The following FMN1 variants were observed in gnomAD, a reference collection of about 807,000 sequenced individuals.
The protein encoded by FMN1 is formin-1.
A neutral mutation model predicts 132.4 loss-of-function variants in FMN1; 110 were observed. The ratio of observed to expected loss-of-function variants is 0.83; its 90% CI spans 0.71 to 0.97. The LOEUF (loss-of-function observed/expected upper bound fraction) is 0.97, where lower values mean the gene tolerates loss of function less well. Among genes scored for constraint, FMN1 ranks in the 50% least tolerant of loss-of-function variants. FMN1 has a pLI of 0.00. For synonymous variants in FMN1, 722 were observed against 651.7 expected, an observed-to-expected ratio of 1.11 and a Z score of -1.64; for missense variants, 1,792 against 1,705.3, an observed-to-expected ratio of 1.05 and a Z score of -0.90.
At chr15:33,031,751 A>G (rs1450511535) in intron 6 of FMN1, among the ~76,000 whole-genome samples, 1 of 152,172 alleles carries the variant, frequency 6.6e-6, no homozygotes, top group Non-Finnish European at 1.5e-5. Flanking sequence ...GGCTCATGAA[A>G]TTCACATATT....
chr15:32,894,255 C>T (rs140644575), intron 15 of FMN1, among the ~76,000 whole-genome samples: 3,386 of 152,136 alleles, frequency 0.022, 69 homozygotes, highest in East Asian at 0.11. Flanking sequence ...GAGGCCAAGG[C>T]GGGTGGATCA....
intron 7 of FMN1, among the ~76,000 whole-genome samples, chr15:32,975,366 T>C (rs1396326918): frequency 6.6e-6 from 1 of 152,226 alleles, no homozygotes; most frequent in Non-Finnish European, 1.5e-5. Context: ...TATTGATTTC[T>C]TTAGTGTTAA....
intron 9 of FMN1, among the ~76,000 whole-genome samples, chr15:32,947,178 T>C (rs754351873): frequency 3.4e-4 from 51 of 152,166 alleles, no homozygotes; most frequent in Non-Finnish European, 7.1e-4. Context: ...CATTGTTACA[T>C]CTGGCATTGT....
intron 16 of FMN1, among the ~76,000 whole-genome samples, chr15:32,862,346 T>C (rs1214161116): frequency 3.3e-5 from 5 of 152,196 alleles, no homozygotes; most frequent in African/African-American, 7.2e-5. Context: ...TATTTTTCTC[T>C]TTACACAATT....
intron 16 of FMN1, among the ~76,000 whole-genome samples, chr15:32,861,473 G>A (rs997021212): frequency 6.6e-6 from 1 of 152,204 alleles, no homozygotes; most frequent in African/African-American, 2.4e-5. Context: ...ACTCAGGTGG[G>A]CTGTGGCTTG....
intron 9 of FMN1, among the ~76,000 whole-genome samples, chr15:32,963,848 C>G (rs2030878967): frequency 6.6e-6 from 1 of 151,974 alleles, no homozygotes; most frequent in Non-Finnish European, 1.5e-5. Context: ...CCTTTGCCAT[C>G]TGCCACTCAA....
At chr15:32,813,358 C>G (rs997560566) in intron 17 of FMN1, among the ~76,000 whole-genome samples, 3 of 152,110 alleles carry the variant, frequency 2.0e-5, no homozygotes, top group Admixed American at 2.0e-4. Context: ...GGTAATCGGA[C>G]ACAAGTATAA....
At chr15:33,117,717 C>G (rs904161289) in intron 4 of FMN1, among the ~76,000 whole-genome samples, 2 of 152,110 alleles carry the variant, frequency 1.3e-5, no homozygotes, top group Non-Finnish European at 2.9e-5. Flanking sequence ...TAACTATTAT[C>G]TAGCAAACAA....
At position 32,848,977 on chromosome 15, in the gene FMN1, GTTTTTTTTT is replaced by G. The variant is rs71113479; in HGVS notation, c.3928+8029_3928+8037del. On this transcript the variant is annotated intron_variant, in intron 17 of 20. Coordinates refer to ENST00000616417, the MANE Select transcript of FMN1 (RefSeq NM_001277313.2). ...ATCAGTCTTGGGTTAGTTCTCTTTT[GTTTTTTTTT>G]TTTTTTTTTTTTTCAGAGACAGAGT... Among the ~76,000 whole-genome samples, 3 of 89,550 alleles carry G rather than the reference GTTTTTTTTT, an allele frequency of 3.4e-5. No homozygotes were observed. In the Admixed American group the frequency reaches 5.0e-4, roughly 15 times the overall value. The allele number at this position is 89,550 out of a possible 152,430, so 58.7% of individuals were successfully genotyped here.
chr15:32,994,545 T>G (rs2033651135), intron 7 of FMN1, among the ~76,000 whole-genome samples: 1 of 152,162 alleles, frequency 6.6e-6, no homozygotes, highest in African/African-American at 2.4e-5. Context: ...CACATTATAT[T>G]TATTGGCTGG....
chr15:32,984,827 T>C (rs2032950682), intron 7 of FMN1, among the ~76,000 whole-genome samples: 1 of 152,032 alleles, frequency 6.6e-6, no homozygotes, highest in Non-Finnish European at 1.5e-5. Flanking sequence ...CAATAAAAAC[T>C]AGGAAATCAC....
At chr15:32,938,944 A>C (rs1255528347) in intron 9 of FMN1, among the ~76,000 whole-genome samples, 3 of 152,210 alleles carry the variant, frequency 2.0e-5, no homozygotes, top group Non-Finnish European at 4.4e-5. Context: ...GCTTAGCTAA[A>C]TAAGACGAAA....
intron 4 of FMN1, among the ~76,000 whole-genome samples, chr15:33,131,780 T>C (rs1963560865): frequency 6.6e-6 from 1 of 152,158 alleles, no homozygotes; most frequent in Admixed American, 6.5e-5. Flanking sequence ...CAACACTTAC[T>C]AGGTAAGTGG....
Position 32,859,235 on chromosome 15 carries a change from C to G in FMN1, c.3836-2128G>C, listed in dbSNP as rs190618974. Among the ~76,000 whole-genome samples the G allele has an allele frequency of 1.9e-4, 29 of 152,172 alleles. No homozygotes were observed. The East Asian group carries it at 2.3e-3, about 12-fold the overall frequency. Reference sequence around the variant, plus strand: ...GTAAGGCAATCTTGTCCCCTGAAAACAAAGGGGGAAAGGTACAAAAGAAGA... The same window carrying G: ...GTAAGGCAATCTTGTCCCCTGAAAAGAAAGGGGGAAAGGTACAAAAGAAGA... On this transcript the variant is annotated intron_variant, in intron 16 of 20. Coordinates refer to ENST00000616417, the MANE Select transcript of FMN1 (RefSeq NM_001277313.2).
At chr15:33,163,783 A>G (rs1208860426) in intron 3 of FMN1, among the ~76,000 whole-genome samples, 1 of 147,278 alleles carries the variant, frequency 6.8e-6, no homozygotes, top group Non-Finnish European at 1.5e-5. Flanking sequence ...ATGCTCAACA[A>G]ATTTTTGTAT....
intron 16 of FMN1, among the ~76,000 whole-genome samples, chr15:32,871,432 A>G (rs780094016): frequency 4.6e-5 from 7 of 152,176 alleles, no homozygotes; most frequent in Non-Finnish European, 1.0e-4. Flanking sequence ...GTTATTTCAC[A>G]AACTCCACAA....
intron 10 of FMN1, among the ~76,000 whole-genome samples, chr15:32,924,491 C>G (rs1054112463): frequency 1.3e-5 from 2 of 152,162 alleles, no homozygotes; most frequent in African/African-American, 4.8e-5. Flanking sequence ...AGTCAAACAA[C>G]TAAACAACAT....
chr15:32,962,051 G>A (rs1471866169), intron 9 of FMN1, among the ~76,000 whole-genome samples: 1 of 152,096 alleles, frequency 6.6e-6, no homozygotes, highest in Non-Finnish European at 1.5e-5. Flanking sequence ...ACTACTATGT[G>A]ATTGACAGGG....
Position 32,898,885 on chromosome 15 carries a change from C to G in FMN1, c.3663G>C (p.Gly1221=). The G allele has an allele frequency of 6.3e-7, 1 of 1,590,104 alleles. No homozygotes were observed. The highest frequency in any genetic ancestry group is 8.6e-7 in the Non-Finnish European group (1 of 1,160,500). ...TAACAACGTAGTCCACCAGATTAAT[C>G]CCATTATCCTAGGTTTAAAAGAGAA... The part of the protein sequence containing the change: ...KLKDVKSRDN[G]INLVDYVVKY... Residue 1221 remains glycine (G), a synonymous_variant, in exon 15 of 21, where the codon GGG becomes GGC. Coordinates refer to ENST00000616417, the MANE Select transcript of FMN1 (RefSeq NM_001277313.2).
Sources: allele counts gnomAD v4.1 joint callset (sites outside exome capture counted in the v4.1 genomes callset), GRCh38; gene constraint gnomAD v4.1.1; transcripts MANE v1.5; gene names NCBI Gene and HGNC (gene_info 2026-07-23, HGNC 2026-07-21).